Variants in IMMP2L observed in about 807,000 individuals in gnomAD.
IMMP2L encodes the protein inner mitochondrial membrane peptidase subunit 2, also known as mitochondrial inner membrane protease subunit 2.
IMMP2L carries 18 observed loss-of-function variants against 19.3 expected under a neutral mutation model. The observed-to-expected ratio is 0.93, with a 90% CI of 0.64 to 1.38. IMMP2L has a LOEUF of 1.38. IMMP2L is among the 40% of genes most tolerant of loss of function. IMMP2L has a pLI of 0.00. For synonymous variants in IMMP2L, 76 were observed against 73.0 expected, an observed-to-expected ratio of 1.04 and a Z score of -0.21; for missense variants, 233 against 218.2, an observed-to-expected ratio of 1.07 and a Z score of -0.43.
At chr7:111,305,501 T>C (rs1224881153) in intron 3 of IMMP2L, among the ~76,000 whole-genome samples, 1 of 150,158 alleles carries the variant, frequency 6.7e-6, no homozygotes, top group African/African-American at 2.5e-5. Flanking sequence ...CTCTGATTTA[T>C]ATATCAGTAA....
intron 5 of IMMP2L, among the ~76,000 whole-genome samples, chr7:110,682,199 C>A (rs1792770144): frequency 6.6e-6 from 1 of 152,136 alleles, no homozygotes; most frequent in East Asian, 1.9e-4. Flanking sequence ...ACTTTTGTTT[C>A]TGCCTCCTGG....
intron 5 of IMMP2L, among the ~76,000 whole-genome samples, chr7:110,696,369 A>T (rs1302765218): frequency 6.6e-6 from 1 of 151,252 alleles, no homozygotes; most frequent in Non-Finnish European, 1.5e-5. Flanking sequence ...TTAGAAATAG[A>T]CTCAGTATTC....
chr7:110,886,354 C>A (rs767469210), intron 5 of IMMP2L, among the ~76,000 whole-genome samples: 3 of 151,870 alleles, frequency 2.0e-5, no homozygotes, highest in Non-Finnish European at 2.9e-5. Flanking sequence ...TTTTTTGGTA[C>A]TTTGTTGAAG....
chr7:110,799,584 A>G (rs934035035), intron 5 of IMMP2L, among the ~76,000 whole-genome samples: 7 of 152,052 alleles, frequency 4.6e-5, no homozygotes, highest in African/African-American at 1.7e-4. Flanking sequence ...TTGCCCAAAT[A>G]CTTTAGTAAA....
At chr7:110,742,743 G>A (rs1420681619) in intron 5 of IMMP2L, among the ~76,000 whole-genome samples, 14 of 143,482 alleles carry the variant, frequency 9.8e-5, no homozygotes, top group African/African-American at 3.7e-4. Flanking sequence ...ACTCCAGCCT[G>A]GGCAACAAGA....
At chr7:111,038,456 C>T (rs947672821) in intron 3 of IMMP2L, among the ~76,000 whole-genome samples, 2 of 152,070 alleles carry the variant, frequency 1.3e-5, no homozygotes. Context: ...CCTGCTAAAG[C>T]CAACTAGGTT....
At chr7:110,720,262 G>A (rs922309751) in intron 5 of IMMP2L, among the ~76,000 whole-genome samples, 1 of 152,088 alleles carries the variant, frequency 6.6e-6, no homozygotes, top group African/African-American at 2.4e-5. Flanking sequence ...AACACGTAGA[G>A]GTATAATTCT....
intron 3 of IMMP2L, among the ~76,000 whole-genome samples, chr7:111,255,979 T>G (rs1330896953): frequency 1.3e-5 from 2 of 152,064 alleles, no homozygotes; most frequent in African/African-American, 2.4e-5. Context: ...TTAAAAAACT[T>G]TTCAAAGATA....
chr7:111,395,837 T>A (rs1832815246), intron 3 of IMMP2L, among the ~76,000 whole-genome samples: 1 of 152,134 alleles, frequency 6.6e-6, no homozygotes, highest in Non-Finnish European at 1.5e-5. Context: ...TGAATTTGCA[T>A]ATATCCAGAG....
At chr7:111,353,342 T>C (rs1186828374) in intron 3 of IMMP2L, among the ~76,000 whole-genome samples, 2 of 152,182 alleles carry the variant, frequency 1.3e-5, no homozygotes, top group Non-Finnish European at 2.9e-5. Flanking sequence ...TTGTTTCAAC[T>C]CCCCTTCTAA....
intron 5 of IMMP2L, among the ~76,000 whole-genome samples, chr7:110,798,647 G>A (rs571277048): frequency 1.9e-4 from 29 of 152,014 alleles, no homozygotes; most frequent in African/African-American, 6.5e-4. Flanking sequence ...AGCCAAATAG[G>A]AAGAAAGCGG....
intron 1 of IMMP2L, among the ~76,000 whole-genome samples, chr7:111,545,227 T>C (rs2079176580): frequency 1.3e-5 from 2 of 152,186 alleles, no homozygotes; most frequent in East Asian, 3.8e-4. Flanking sequence ...GTCATCCTAA[T>C]GGATGTGAGA....
At chr7:111,538,816 TA>T (rs768599585) in intron 1 of IMMP2L, among the ~76,000 whole-genome samples, 1,764 of 82,410 alleles carry the variant, frequency 0.021, 44 homozygotes, top group African/African-American at 0.078. Context: ...CTGGCTCATT[TA>T]AAAAAAAAAA....
At position 111,539,953 on chromosome 7, in the gene IMMP2L, T is replaced by C. The variant is rs548438623; in HGVS notation, c.-2-18504A>G. 9.5e-4 allele frequency among the ~76,000 whole-genome samples: 144 copies of C among 152,272 alleles called. 1 individual carries two copies. Among genetic ancestry groups the C allele is most frequent in the South Asian group, 2.7e-3 (13 of 4,822 alleles). ...ATTTATTCTCTGATGCAGCTATTTC[T>C]AAATTTACTTATTATTTTTAATGGC... On this transcript the variant is annotated intron_variant, in intron 1 of 5. Coordinates refer to ENST00000405709, the MANE Select transcript of IMMP2L (RefSeq NM_032549.4).
intron 5 of IMMP2L, among the ~76,000 whole-genome samples, chr7:110,861,569 A>C (rs1371692324): frequency 6.6e-6 from 1 of 151,938 alleles, no homozygotes; most frequent in Non-Finnish European, 1.5e-5. Flanking sequence ...CTGGCCTTTT[A>C]AACAATTTTT....
intron 3 of IMMP2L, among the ~76,000 whole-genome samples, chr7:111,171,138 T>C (rs1385085532): frequency 6.9e-6 from 1 of 144,488 alleles, no homozygotes; most frequent in Non-Finnish European, 1.5e-5. Flanking sequence ...GGCAATCAGC[T>C]TTTCTTCATG....
At chr7:111,161,764 G>A (rs1161544260) in intron 3 of IMMP2L, among the ~76,000 whole-genome samples, 1 of 151,886 alleles carries the variant, frequency 6.6e-6, no homozygotes, top group Admixed American at 6.6e-5. Flanking sequence ...ACAGACTTCA[G>A]GACATTCATT....
intron 5 of IMMP2L, among the ~76,000 whole-genome samples, chr7:110,878,221 C>T (rs1440760996): frequency 1.3e-5 from 2 of 152,216 alleles, no homozygotes; most frequent in South Asian, 2.1e-4. Flanking sequence ...ACAGAGGAAA[C>T]ATTTGTGACT....
intron 5 of IMMP2L, among the ~76,000 whole-genome samples, chr7:110,713,235 T>A (rs1258224184): frequency 6.6e-6 from 1 of 152,186 alleles, no homozygotes; most frequent in Non-Finnish European, 1.5e-5. Flanking sequence ...ACAGTTTGAT[T>A]TCTGGGTTCT....
Sources: gnomAD v4.1 joint callset for allele counts (sites outside exome capture counted in the v4.1 genomes callset) on GRCh38, gnomAD v4.1.1 for gene constraint, MANE v1.5 for transcripts, NCBI Gene and HGNC (gene_info 2026-07-23, HGNC 2026-07-21) for gene names.